Variants in EPHA5 observed in about 807,000 individuals in gnomAD.
EPHA5 encodes the protein ephrin type-A receptor 5.
Under a neutral mutation model 105.0 loss-of-function variants are expected in EPHA5, and 60 were observed. The observed-to-expected ratio is 0.57, with a 90% CI of 0.46 to 0.71. The LOEUF (loss-of-function observed/expected upper bound fraction) is 0.71, where lower values mean the gene tolerates loss of function less well. Among genes scored for constraint, EPHA5 ranks in the 30% least tolerant of loss-of-function variants. The pLI is 0.00. For synonymous variants in EPHA5, 513 were observed against 449.1 expected (o/e 1.14, Z -1.80); for missense variants, 1,218 against 1,274.7 (o/e 0.96, Z 0.68).
chr4:65,602,723 T>TA (rs1217663961), intron 2 of EPHA5, among the ~76,000 whole-genome samples: 10 of 151,912 alleles, frequency 6.6e-5, no homozygotes, highest in East Asian at 1.9e-4. Flanking sequence ...GAAATGCAAT[T>TA]AAAAAAATGA....
At chr4:65,668,852 C>T (rs1024422053) in intron 1 of EPHA5, among the ~76,000 whole-genome samples, 1 of 151,952 alleles carries the variant, frequency 6.6e-6, no homozygotes, top group Non-Finnish European at 1.5e-5. Context: ...CTCCCCCTCA[C>T]CCCTCCTGCC....
intron 14 of EPHA5, among the ~76,000 whole-genome samples, chr4:65,337,403 C>G (rs1721286895): frequency 6.6e-6 from 1 of 152,056 alleles, no homozygotes; most frequent in South Asian, 2.1e-4. Context: ...CTCTGATAGC[C>G]ACATTCTATC....
In EPHA5 at chr4:65,558,277, G is replaced by T. The variant is rs552171138; in HGVS notation, c.910+43364C>A. The stretch of plus-strand genomic sequence containing the variant: ...TGTGCATTTATCATTATTGGTAATG[G>T]TAACAGATCACACTTGCATCAAGTT... On this transcript the variant is annotated intron_variant, in intron 3 of 16. Transcript: ENST00000613740. Among the ~76,000 whole-genome samples, 5 of 152,166 alleles carry T rather than the reference G, an allele frequency of 3.3e-5. No individual in the cohort carries two copies. The South Asian group carries it at 1.0e-3, about 32-fold the overall frequency.
In EPHA5 at chr4:65,596,756, C is replaced by T. The variant is rs182819144; in HGVS notation, c.910+4885G>A. On this transcript the variant is annotated intron_variant, in intron 3 of 16. Transcript: ENST00000613740. ...TTGATATTCTGTACTTCCATAATTGCCATCATTTGTTCAAATTTTGAAATT... is the reference window on the plus strand; with the variant it reads ...TTGATATTCTGTACTTCCATAATTGTCATCATTTGTTCAAATTTTGAAATT... 2.5e-3 allele frequency among the ~76,000 whole-genome samples: 376 copies of T among 151,934 alleles called. 1 individual carries two copies. The highest frequency in any genetic ancestry group is 6.2e-3 in the Admixed American group (94 of 15,234).
At chr4:65,496,512 G>A (rs1560607909) in intron 3 of EPHA5, among the ~76,000 whole-genome samples, 1 of 151,218 alleles carries the variant, frequency 6.6e-6, no homozygotes, top group Non-Finnish European at 1.5e-5. Context: ...AGTTTACTGA[G>A]AATGATGATT....
intron 2 of EPHA5, among the ~76,000 whole-genome samples, chr4:65,608,626 A>G (rs986376275): frequency 6.6e-6 from 1 of 152,220 alleles, no homozygotes; most frequent in Non-Finnish European, 1.5e-5. Flanking sequence ...ATAAAAGTGC[A>G]AACTTCATCT....
chr4:65,459,040 TCTAACAC>T (rs2149126318), intron 5 of EPHA5, among the ~76,000 whole-genome samples: 1 of 152,184 alleles, frequency 6.6e-6, no homozygotes, highest in Non-Finnish European at 1.5e-5. Flanking sequence ...ATTTTCACAT[TCTAACAC>T]CTGCAAACAA....
chr4:65,509,633 G>C (rs997092790), intron 3 of EPHA5, among the ~76,000 whole-genome samples: 14 of 152,098 alleles, frequency 9.2e-5, no homozygotes, highest in Admixed American at 3.3e-4. Context: ...GTTATTTTAT[G>C]ATTACTAATC....
At chr4:65,630,930 T>A (rs1746572566) in intron 2 of EPHA5, among the ~76,000 whole-genome samples, 1 of 152,306 alleles carries the variant, frequency 6.6e-6, no homozygotes, top group South Asian at 2.1e-4. Context: ...GTAAGGATAA[T>A]ATTTTATCTT....
chr4:65,621,544 T>A (rs902601045), intron 2 of EPHA5, among the ~76,000 whole-genome samples: 3 of 152,190 alleles, frequency 2.0e-5, no homozygotes, highest in African/African-American at 7.2e-5. Flanking sequence ...ACAATGTATA[T>A]AGTACTTTGT....
At chr4:65,424,841 A>T in intron 5 of EPHA5, among the ~76,000 whole-genome samples, 1 of 152,046 alleles carries the variant, frequency 6.6e-6, no homozygotes. Flanking sequence ...GGGCTTTCTA[A>T]TGTCAATTAA....
intron 5 of EPHA5, among the ~76,000 whole-genome samples, chr4:65,434,622 T>C (rs1169430433): frequency 6.6e-6 from 1 of 152,168 alleles, no homozygotes; most frequent in Non-Finnish European, 1.5e-5. Flanking sequence ...ACTAAATATT[T>C]TTTAAATGCA....
At chr4:65,637,020 A>G (rs1339754941) in intron 2 of EPHA5, among the ~76,000 whole-genome samples, 1 of 152,048 alleles carries the variant, frequency 6.6e-6, no homozygotes, top group Non-Finnish European at 1.5e-5. Flanking sequence ...TGTCCAGAAG[A>G]AAAAAGAGGA....
At chr4:65,554,655 T>G (rs1738231781) in intron 3 of EPHA5, among the ~76,000 whole-genome samples, 1 of 151,878 alleles carries the variant, frequency 6.6e-6, no homozygotes, top group South Asian at 2.1e-4. Flanking sequence ...TCATAAACTA[T>G]TCCCCTGTGT....
At chr4:65,551,410 A>G (rs1221327665) in intron 3 of EPHA5, among the ~76,000 whole-genome samples, 1 of 152,010 alleles carries the variant, frequency 6.6e-6, no homozygotes, top group Non-Finnish European at 1.5e-5. Context: ...GGTTCCAGGA[A>G]AACCAGAATG....
Position 65,581,530 on chromosome 4 carries a change from T to A in EPHA5, c.910+20111A>T, listed in dbSNP as rs1741625299. On this transcript the variant is annotated intron_variant, in intron 3 of 16. Transcript: ENST00000613740. ...TGGTATTTGAAACATGGGTCCTTAT[T>A]TATCAGTCTGGGTTCTTTGAAACTT... is the stretch of plus-strand genomic sequence containing the variant. 2.0e-5 allele frequency among the ~76,000 whole-genome samples: 3 copies of A among 151,748 alleles called. No individual in the cohort carries two copies. The South Asian group carries it at 6.2e-4, about 31-fold the overall frequency.
intron 5 of EPHA5, among the ~76,000 whole-genome samples, chr4:65,427,465 G>A (rs1462557581): frequency 6.6e-6 from 1 of 152,116 alleles, no homozygotes; most frequent in Non-Finnish European, 1.5e-5. Flanking sequence ...ATAGGCGTGA[G>A]TCACCGCGCC....
Position 65,647,260 on chromosome 4 carries a change from C to T in EPHA5, c.182-3833G>A, listed in dbSNP as rs1271499700. ...AGGAGAATGGTGTGAACCTGGGAGG[C>T]GGAGCTTGCAGTGAGCTGAGATTGT... On this transcript the variant is annotated intron_variant, in intron 1 of 16. Transcript: ENST00000613740. 3.8e-5 allele frequency among the ~76,000 whole-genome samples: 5 copies of T among 131,924 alleles called. No homozygotes were observed. In the South Asian group the frequency reaches 7.6e-4, roughly 20 times the overall value. The allele number at this position is 131,924 out of a possible 152,430, so 86.5% of individuals were successfully genotyped here.
intron 3 of EPHA5, among the ~76,000 whole-genome samples, chr4:65,572,801 C>A (rs1293178351): frequency 2.0e-5 from 3 of 152,052 alleles, no homozygotes; most frequent in African/African-American, 7.2e-5. Flanking sequence ...GAGGCCGAGG[C>A]AGGCGGATAA....
Sources: gnomAD v4.1 joint callset for allele counts (sites outside exome capture counted in the v4.1 genomes callset) on GRCh38, gnomAD v4.1.1 for gene constraint, MANE v1.5 for transcripts, NCBI Gene and HGNC (gene_info 2026-07-23, HGNC 2026-07-21) for gene names.